Variants in SLC23A2 observed in about 807,000 individuals in gnomAD.
SLC23A2 encodes the protein Na(+)/L-ascorbic acid transporter 2.
SLC23A2 carries 36 observed loss-of-function variants against 73.3 expected under a neutral mutation model. That is an observed-to-expected ratio of 0.49 (90% CI 0.38 to 0.65). SLC23A2 has a LOEUF of 0.65. Among genes scored for constraint, SLC23A2 ranks in the 30% least tolerant of loss-of-function variants. The pLI, the probability that SLC23A2 is intolerant of heterozygous loss-of-function variation, is 0.00. For synonymous variants in SLC23A2, 343 were observed against 327.3 expected, an observed-to-expected ratio of 1.05 and a Z score of -0.52; for missense variants, 507 against 841.6, an observed-to-expected ratio of 0.60 and a Z score of 4.92.
chr20:4,966,847 C>CAA (rs2087484531), intron 2 of SLC23A2, among the ~76,000 whole-genome samples: 2 of 144,466 alleles, frequency 1.4e-5, no homozygotes, highest in African/African-American at 5.2e-5. Flanking sequence ...CACACACACA[C>CAA]ACACACACAG....
At chr20:4,928,434 G>A (rs187475206) in intron 3 of SLC23A2, among the ~76,000 whole-genome samples, 5 of 152,172 alleles carry the variant, frequency 3.3e-5, no homozygotes, top group African/African-American at 9.6e-5. Context: ...TTTTGTTTTC[G>A]TGTTTTCCTT....
intron 2 of SLC23A2, among the ~76,000 whole-genome samples, chr20:4,937,242 T>A (rs1035788356): frequency 4.6e-5 from 7 of 151,666 alleles, no homozygotes; most frequent in African/African-American, 1.7e-4. Context: ...GAGGGAAGAG[T>A]GGAGTTTAAC....
rs543858160 is a variant in SLC23A2, at chr20:4,872,594, G to A, written c.1102+1342C>T. ...GGGCTTCTACCTACCTGCCACCCCCGCCTCGCCCTCACCCTGACTGCCTCA... is the reference window on the plus strand; with the variant it reads ...GGGCTTCTACCTACCTGCCACCCCCACCTCGCCCTCACCCTGACTGCCTCA... On this transcript the variant is annotated intron_variant, in intron 11 of 16. Transcript: ENST00000338244. The surrounding 1 kb of genome is among the most constrained non-coding windows in gnomAD (Gnocchi z 4.4). Among the ~76,000 whole-genome samples, 14 of 152,112 alleles carry A rather than the reference G, an allele frequency of 9.2e-5. No homozygotes were observed. Among genetic ancestry groups the A allele is most frequent in the Admixed American group, 4.6e-4 (7 of 15,278 alleles).
chr20:4,989,739 G>A (rs1282867845), intron 1 of SLC23A2, among the ~76,000 whole-genome samples: 2 of 152,068 alleles, frequency 1.3e-5, no homozygotes, highest in Non-Finnish European at 2.9e-5. Context: ...GTCAGGTGCG[G>A]AATTTTCCAC....
At chr20:4,940,737 G>A (rs2087027345) in intron 2 of SLC23A2, among the ~76,000 whole-genome samples, 1 of 152,210 alleles carries the variant, frequency 6.6e-6, no homozygotes, top group African/African-American at 2.4e-5. Flanking sequence ...AGTCACAGAA[G>A]GACAAATACT....
At chr20:4,873,742 G>A (rs369380529) in intron 11 of SLC23A2, 194 bp downstream of exon 11, 19 of 495,782 alleles carry the variant, frequency 3.8e-5, no homozygotes, top group Admixed American at 2.3e-4. Flanking sequence ...GAAGGGAGCC[G>A]GTCAGTCTCT....
chr20:4,882,833 T>C (rs1568608414), intron 9 of SLC23A2, among the ~76,000 whole-genome samples: 1 of 152,148 alleles, frequency 6.6e-6, no homozygotes, highest in Non-Finnish European at 1.5e-5. Flanking sequence ...ACAGAGCAAA[T>C]GAAAAATTCT....
intron 1 of SLC23A2, among the ~76,000 whole-genome samples, chr20:4,990,751 G>C (rs2087911196): frequency 6.6e-6 from 1 of 151,270 alleles, no homozygotes; most frequent in Non-Finnish European, 1.5e-5. Flanking sequence ...TGGAGGCCAA[G>C]GCAGGTGGAT....
intron 1 of SLC23A2, among the ~76,000 whole-genome samples, chr20:4,984,554 A>G (rs1196073439): frequency 6.6e-6 from 1 of 152,072 alleles, no homozygotes; most frequent in African/African-American, 2.4e-5. Context: ...CTCTGTCTCA[A>G]AAGAAAAAAA....
intron 2 of SLC23A2, among the ~76,000 whole-genome samples, chr20:4,944,101 A>C (rs1416300298): frequency 6.6e-6 from 1 of 152,238 alleles, no homozygotes; most frequent in African/African-American, 2.4e-5. Context: ...CACTTGCTCT[A>C]TGTAAACACT....
chr20:4,953,682 A>T (rs1310062976), intron 2 of SLC23A2, among the ~76,000 whole-genome samples: 1 of 152,160 alleles, frequency 6.6e-6, no homozygotes, highest in Non-Finnish European at 1.5e-5. Context: ...TGGGGTCAGG[A>T]GTTCAAGACC....
At chr20:4,858,124 C>G (rs539214106) in intron 16 of SLC23A2, among the ~76,000 whole-genome samples, 6 of 152,130 alleles carry the variant, frequency 3.9e-5, no homozygotes, top group Non-Finnish European at 8.8e-5. Context: ...CTAGACAGAC[C>G]CACACTTCAT....
chr20:5,000,509 G>A (rs951268068), intron 1 of SLC23A2, among the ~76,000 whole-genome samples: 5 of 152,010 alleles, frequency 3.3e-5, no homozygotes, highest in Admixed American at 2.0e-4. Context: ...ATCTTCCCCC[G>A]CCCGTCTCCC....
intron 2 of SLC23A2, among the ~76,000 whole-genome samples, chr20:4,961,374 G>A (rs374371671): frequency 4.1e-4 from 62 of 152,056 alleles, no homozygotes; most frequent in South Asian, 6.2e-4. Context: ...GAGCCACCAC[G>A]CCTGGCCTAT....
At chr20:4,976,146 C>T (rs2087642105) in intron 1 of SLC23A2, among the ~76,000 whole-genome samples, 1 of 151,908 alleles carries the variant, frequency 6.6e-6, no homozygotes, top group Non-Finnish European at 1.5e-5. Flanking sequence ...AGCCACCACG[C>T]CCGGCCAAGA....
At chr20:4,933,830 G>A (rs1026968956) in intron 2 of SLC23A2, among the ~76,000 whole-genome samples, 14 of 152,072 alleles carry the variant, frequency 9.2e-5, no homozygotes, top group Non-Finnish European at 1.6e-4. Flanking sequence ...CTTCCCACTA[G>A]GAATAAAGAA....
Position 4,971,299 on chromosome 20 carries a change from AACACAC to A in SLC23A2, c.-281-386_-281-381del, listed in dbSNP as rs35758430. On this transcript the variant is annotated intron_variant, in intron 1 of 16. Transcript: ENST00000338244. ...CTGAGCAATAGGGTGGTCTCTACAA[AACACAC>A]ACACACACACACACACACACACACA... is the stretch of plus-strand genomic sequence containing the variant. 4.2e-3 allele frequency among the ~76,000 whole-genome samples: 599 copies of A among 142,478 alleles called. 4 individuals carry two copies. The highest frequency in any genetic ancestry group is 0.013 in the African/African-American group (486 of 38,174). 93.5% of individuals were successfully genotyped at this position (142,478 alleles called of 152,430 possible). A position where few individuals can be genotyped will look rare whatever the true frequency, so the allele number is the denominator to read the frequency against.
chr20:4,881,909 G>A (rs796868065), intron 9 of SLC23A2, among the ~76,000 whole-genome samples: 62 of 151,956 alleles, frequency 4.1e-4, no homozygotes, highest in African/African-American at 1.4e-3. Flanking sequence ...TAAGTGCTTT[G>A]TGGGTTTTGT....
intron 1 of SLC23A2, among the ~76,000 whole-genome samples, chr20:4,989,398 A>G (rs2087888328): frequency 6.6e-6 from 1 of 152,104 alleles, no homozygotes; most frequent in African/African-American, 2.4e-5. Flanking sequence ...ATATTTGCAT[A>G]TATATATAGT....
Sources: allele counts gnomAD v4.1 joint callset (sites outside exome capture counted in the v4.1 genomes callset), GRCh38; gene constraint gnomAD v4.1.1; non-coding constraint Gnocchi (gnomAD v3.1); transcripts MANE v1.5; gene names NCBI Gene and HGNC (gene_info 2026-07-23, HGNC 2026-07-21).